STK24: variants seen among roughly 807,000 people sequenced by gnomAD.
The protein encoded by STK24 is serine/threonine-protein kinase 24.
STK24 carries 21 observed loss-of-function variants against 55.6 expected under a neutral mutation model. The ratio of observed to expected loss-of-function variants is 0.38; its 90% CI spans 0.27 to 0.54. The LOEUF (loss-of-function observed/expected upper bound fraction) is 0.54. Ranked by LOEUF, STK24 falls within the 20% of genes least tolerant of loss-of-function variation. The probability of loss-of-function intolerance (pLI) is 0.79; values close to 1 mark genes in which losing one functional copy is unlikely to be tolerated. For missense variants in STK24, 383 were observed against 538.4 expected (o/e 0.71, Z 2.86); for synonymous variants, 200 against 215.2 (o/e 0.93, Z 0.62).
intron 1 of STK24, among the ~76,000 whole-genome samples, chr13:98,549,924 C>G (rs1897119671): frequency 6.6e-6 from 1 of 152,176 alleles, no homozygotes; most frequent in Non-Finnish European, 1.5e-5. Context: ...ACCACAGTAG[C>G]TACCTATTTC....
rs868523724 is a variant in STK24, at chr13:98,494,207, C to T, written c.274-11886G>A. 7.4e-3 allele frequency among the ~76,000 whole-genome samples: 1,076 copies of T among 146,142 alleles called. 12 individuals carry two copies. The highest frequency in any genetic ancestry group is 0.026 in the African/African-American group (1,029 of 40,132). On this transcript the variant is annotated intron_variant, in intron 2 of 10. Transcript: ENST00000539966. The stretch of plus-strand genomic sequence containing the variant: ...CGGGTGGATCACGAGGTCAGGAGAT[C>T]GAGACCATCCTGGCTAACACGGTGA...
intron 7 of STK24, 141 bp downstream of exon 7, chr13:98,463,550 T>C (rs1893799741): frequency 9.7e-7 from 1 of 1,028,222 alleles, no homozygotes; most frequent in Non-Finnish European, 1.4e-6. Flanking sequence ...CCAGGCTGTG[T>C]CTAACACAAC....
At chr13:98,544,336 T>G (rs1896976384) in intron 1 of STK24, among the ~76,000 whole-genome samples, 1 of 152,206 alleles carries the variant, frequency 6.6e-6, no homozygotes, top group African/African-American at 2.4e-5. Flanking sequence ...CCAGCAGGCC[T>G]GGCCCACGAG....
Position 98,466,480 on chromosome 13 carries a change from C to T in STK24, c.679G>A (p.Val227Ile). ...TTGTTCTTTGGAATGAGGAATAAAA[C>T]TTTCATGGGGTGCAGCTCGGAATGA... ...PPHSELHPMK[V>I]LFLIPKNNPP... Residue 227 changes from valine (V) to isoleucine (I), a missense_variant, in exon 6 of 11, where the codon GTT becomes ATT. By Grantham distance (29) the Val-to-Ile change is conservative. Transcript: ENST00000539966. The T allele has an allele frequency of 6.2e-7, 1 of 1,614,116 alleles. No individual in the cohort carries two copies. The highest frequency in any genetic ancestry group is 8.5e-7 in the Non-Finnish European group (1 of 1,180,020).
chr13:98,497,025 T>C (rs1464425196), intron 2 of STK24, among the ~76,000 whole-genome samples: 4 of 152,146 alleles, frequency 2.6e-5, no homozygotes, highest in Non-Finnish European at 5.9e-5. Context: ...GACCCGCATT[T>C]CTAGGAGCAA....
intron 1 of STK24, among the ~76,000 whole-genome samples, chr13:98,545,932 ACT>A (rs1897018851): frequency 6.6e-6 from 1 of 152,128 alleles, no homozygotes; most frequent in Admixed American, 6.5e-5. Flanking sequence ...TTACCTTAAA[ACT>A]CTTCTTCTGA....
intron 2 of STK24, among the ~76,000 whole-genome samples, chr13:98,509,373 C>T (rs1020800145): frequency 6.6e-6 from 1 of 151,980 alleles, no homozygotes; most frequent in South Asian, 2.1e-4. Flanking sequence ...CATGTGAAAA[C>T]CATGAGATAC....
intron 2 of STK24, among the ~76,000 whole-genome samples, chr13:98,503,967 G>A (rs1207115740): frequency 6.6e-6 from 1 of 152,144 alleles, no homozygotes; most frequent in Admixed American, 6.5e-5. Context: ...TCCTACACCT[G>A]CGATGGCCAA....
intron 1 of STK24, among the ~76,000 whole-genome samples, chr13:98,535,074 C>T (rs976639782): frequency 3.2e-4 from 48 of 152,176 alleles, no homozygotes; most frequent in African/African-American, 1.0e-3. Flanking sequence ...ACGGGCCAGG[C>T]GTGGTGGCTC....
chr13:98,461,289 A>G (rs1406389483), intron 8 of STK24, among the ~76,000 whole-genome samples: 1 of 152,240 alleles, frequency 6.6e-6, no homozygotes, highest in Admixed American at 6.5e-5. Flanking sequence ...TATGCTTTAC[A>G]AGACCCTAAA....
chr13:98,446,632 C>T lies in STK24; in HGVS notation c.*6541G>A, dbSNP rs750216137. 22 of 1,610,058 alleles carry T rather than the reference C, an allele frequency of 1.4e-5. No homozygotes were observed. Among genetic ancestry groups the T allele is most frequent in the Middle Eastern group, 1.6e-4 (1 of 6,070 alleles). On this transcript the variant is annotated 3_prime_UTR_variant, in exon 11 of 11. Transcript: ENST00000539966. ...CAGGCCCAGCAGCAGAAGCTGACCC[C>T]GAAAAGCCACTTTGCTTTGTTTCCC...
intron 1 of STK24, among the ~76,000 whole-genome samples, chr13:98,568,234 T>A (rs1897639478): frequency 6.6e-6 from 1 of 152,084 alleles, no homozygotes; most frequent in Non-Finnish European, 1.5e-5. Flanking sequence ...TGACCTCAAA[T>A]GATCCACCCG....
At chr13:98,463,124 G>A (rs1025313835) in intron 7 of STK24, among the ~76,000 whole-genome samples, 2 of 152,122 alleles carry the variant, frequency 1.3e-5, no homozygotes, top group African/African-American at 2.4e-5. Context: ...AGGCATGCAC[G>A]AGAACAGACG....
intron 2 of STK24, among the ~76,000 whole-genome samples, chr13:98,503,024 G>GTTTTTTTTTTTTTTTTTTTTTTTTT (rs398038978): frequency 2.8e-5 from 3 of 107,084 alleles, no homozygotes; most frequent in African/African-American, 1.2e-4. Context: ...CTTTCCATGT[G>GTTTTTTTTTTTTTTTTTTTTTTTTT]TTTTTTTTTT....
intron 1 of STK24, among the ~76,000 whole-genome samples, chr13:98,576,531 C>T (rs1300045438): frequency 6.6e-6 from 1 of 152,112 alleles, no homozygotes; most frequent in South Asian, 2.1e-4. Flanking sequence ...GTTCCTACGG[C>T]TCCTGCACGC....
chr13:98,503,093 G>C (rs202098465), intron 2 of STK24, among the ~76,000 whole-genome samples: 43 of 137,592 alleles, frequency 3.1e-4, no homozygotes, highest in East Asian at 4.2e-4. Flanking sequence ...AGGGGCTCCA[G>C]GCATAAACTC....
At chr13:98,470,575 G>A (rs2139276824) in intron 5 of STK24, among the ~76,000 whole-genome samples, 1 of 152,294 alleles carries the variant, frequency 6.6e-6, no homozygotes, top group East Asian at 1.9e-4. Flanking sequence ...ACAAACAGTG[G>A]TTTCTAATAT....
At chr13:98,530,984 C>G (rs771775832) in intron 1 of STK24, among the ~76,000 whole-genome samples, 1 of 152,158 alleles carries the variant, frequency 6.6e-6, no homozygotes, top group Non-Finnish European at 1.5e-5. Context: ...TTTAGTATGG[C>G]TGAACTTTAG....
At chr13:98,518,480 A>G (rs953769647) in intron 2 of STK24, among the ~76,000 whole-genome samples, 12 of 152,062 alleles carry the variant, frequency 7.9e-5, no homozygotes, top group African/African-American at 2.9e-4. Flanking sequence ...TTCCCCACCA[A>G]TTCTTATGAT....
Sources: gnomAD v4.1 joint callset for allele counts (sites outside exome capture counted in the v4.1 genomes callset) on GRCh38, gnomAD v4.1.1 for gene constraint, MANE v1.5 for transcripts, NCBI Gene and HGNC (gene_info 2026-07-23, HGNC 2026-07-21) for gene names.